CACNA2D1: variants seen among roughly 807,000 people sequenced by gnomAD.
The protein encoded by CACNA2D1 is calcium voltage-gated channel auxiliary subunit alpha2delta 1.
A neutral mutation model predicts 171.5 loss-of-function variants in CACNA2D1; 53 were observed. That is an observed-to-expected ratio of 0.31 (90% CI 0.25 to 0.39). CACNA2D1 has a LOEUF of 0.39. Among genes scored for constraint, CACNA2D1 ranks in the 10% least tolerant of loss-of-function variants. The probability of loss-of-function intolerance (pLI) is 1.00; values close to 1 mark genes in which losing one functional copy is unlikely to be tolerated. For missense variants in CACNA2D1, 903 were observed against 1,299.8 expected (o/e 0.69, Z 4.69); for synonymous variants, 442 against 443.1 (o/e 1.00, Z 0.03).
chr7:82,033,868 T>TAAAG (rs749383246), intron 11 of CACNA2D1, among the ~76,000 whole-genome samples: 2 of 152,110 alleles, frequency 1.3e-5, no homozygotes, highest in African/African-American at 2.4e-5. Flanking sequence ...ATGCTGAGAA[T>TAAAG]AAAAGATCAC....
chr7:82,404,886 T>A (rs1435771647), intron 1 of CACNA2D1, among the ~76,000 whole-genome samples: 2 of 152,216 alleles, frequency 1.3e-5, no homozygotes, highest in African/African-American at 4.8e-5. Context: ...TTTGTTGCTG[T>A]CATTCAAGTA....
At chr7:81,988,447 T>C (rs909452197) in intron 21 of CACNA2D1, among the ~76,000 whole-genome samples, 2 of 152,196 alleles carry the variant, frequency 1.3e-5, no homozygotes, top group South Asian at 4.1e-4. Context: ...TCTCCTCTTC[T>C]GTCTATTCTA....
At chr7:82,428,072 A>G (rs1829342464) in intron 1 of CACNA2D1, among the ~76,000 whole-genome samples, 1 of 151,898 alleles carries the variant, frequency 6.6e-6, no homozygotes, top group Non-Finnish European at 1.5e-5. Flanking sequence ...TGGACAACAG[A>G]GCAAGATCTT....
intron 10 of CACNA2D1, among the ~76,000 whole-genome samples, chr7:82,051,840 C>T (rs1805228271): frequency 6.6e-6 from 1 of 152,164 alleles, no homozygotes; most frequent in South Asian, 2.1e-4. Flanking sequence ...ACCACTGACT[C>T]CTATCAAAGC....
At chr7:82,423,259 GC>G (rs1332504712) in intron 1 of CACNA2D1, among the ~76,000 whole-genome samples, 1 of 151,930 alleles carries the variant, frequency 6.6e-6, no homozygotes. Context: ...AACTCAACCT[GC>G]CCCAGGCATG....
intron 22 of CACNA2D1, 77 bp downstream of exon 22, chr7:81,984,558 C>A (rs2130665138): frequency 1.2e-6 from 1 of 830,488 alleles, no homozygotes; most frequent in African/African-American, 1.7e-5. Flanking sequence ...CTTGGGTATT[C>A]CAAAATCTAG....
In CACNA2D1 at chr7:81,949,811, C is replaced by T. The variant is rs558911696; in HGVS notation, c.*581G>A. ...TGTGTTTTATTTTTGGCAAAGAAGC[C>T]GTTCTTCATAAGGCATTTTATTCAT... On this transcript the variant is annotated 3_prime_UTR_variant, in exon 39 of 39. Coordinates refer to ENST00000356860, the MANE Select transcript of CACNA2D1 (RefSeq NM_000722.4). The T allele has an allele frequency of 1.3e-5, 2 of 152,278 alleles. No individual in the cohort carries two copies. Among genetic ancestry groups the T allele is most frequent in the African/African-American group, 4.8e-5 (2 of 41,524 alleles). The allele number at this position is 152,278 out of a possible 1,614,324, so 9.4% of individuals were successfully genotyped here. A position where few individuals can be genotyped will look rare whatever the true frequency, so the allele number is the denominator to read the frequency against.
At chr7:82,264,988 G>C (rs1225568055) in intron 3 of CACNA2D1, among the ~76,000 whole-genome samples, 1 of 152,228 alleles carries the variant, frequency 6.6e-6, no homozygotes, top group South Asian at 2.1e-4. Flanking sequence ...TCATATCACT[G>C]CAATGACACA....
At chr7:82,314,999 A>G in intron 3 of CACNA2D1, among the ~76,000 whole-genome samples, 1 of 134,700 alleles carries the variant, frequency 7.4e-6, no homozygotes. Flanking sequence ...TTTTTTTGAG[A>G]CAGAGTCTCA....
intron 7 of CACNA2D1, among the ~76,000 whole-genome samples, chr7:82,073,237 C>T (rs185813758): frequency 1.8e-3 from 280 of 152,266 alleles, no homozygotes; most frequent in Non-Finnish European, 3.3e-3. Flanking sequence ...TTAACATTCT[C>T]CAACTGCTTG....
At chr7:82,389,294 T>C (rs904951467) in intron 1 of CACNA2D1, among the ~76,000 whole-genome samples, 7 of 151,676 alleles carry the variant, frequency 4.6e-5, no homozygotes, top group Admixed American at 2.0e-4. Context: ...GTTTTTTTTA[T>C]AGAAAGTTAT....
chr7:81,962,401 T>A (rs1794243599), intron 35 of CACNA2D1, 39 bp downstream of exon 35: 23 of 1,504,350 alleles, frequency 1.5e-5, no homozygotes, highest in Non-Finnish European at 1.9e-5. Flanking sequence ...AGAAAATTTT[T>A]ATTGTTATGG....
chr7:82,291,512 CTATA>C (rs1034002303), intron 3 of CACNA2D1, among the ~76,000 whole-genome samples: 11 of 126,366 alleles, frequency 8.7e-5, no homozygotes, highest in African/African-American at 3.3e-4. Context: ...ATAGATAGAT[CTATA>C]TATAGATAGA....
At chr7:82,107,100 T>G (rs997512608) in intron 6 of CACNA2D1, among the ~76,000 whole-genome samples, 2 of 152,124 alleles carry the variant, frequency 1.3e-5, no homozygotes, top group African/African-American at 4.8e-5. Flanking sequence ...AGTAAAACAT[T>G]AAAAACTATC....
At chr7:82,391,860 G>T (rs1825159780) in intron 1 of CACNA2D1, among the ~76,000 whole-genome samples, 2 of 152,170 alleles carry the variant, frequency 1.3e-5, no homozygotes, top group African/African-American at 4.8e-5. Flanking sequence ...GATGTGTATG[G>T]TTCCAAGATC....
chr7:82,227,029 T>A (rs916153464), intron 3 of CACNA2D1, among the ~76,000 whole-genome samples: 3 of 152,208 alleles, frequency 2.0e-5, no homozygotes, highest in Admixed American at 1.3e-4. Flanking sequence ...GTCATGTTAG[T>A]AATTTAAAAT....
At position 82,335,219 on chromosome 7, in the gene CACNA2D1, C is replaced by T. The variant is rs1817841152; in HGVS notation, c.210G>A (p.Val70=). The change falls in exon 3 of 39, where the codon GTG becomes GTA. Residue 70 remains valine, a synonymous_variant. Transcript: ENST00000356860. ...CCAGCTGGCGTGCATTATTTGGTTC[C>T]ACAGTATACAAATCTTGATATTTCT... ...IYEKYQDLYT[V]EPNNARQLVE... is the part of the protein sequence containing the mutation. 2 of 1,610,206 alleles carry T rather than the reference C, an allele frequency of 1.2e-6. No homozygotes were observed. The highest frequency in any genetic ancestry group is 1.1e-5 in the South Asian group (1 of 90,996).
chr7:82,438,086 A>G (rs1275799906), intron 1 of CACNA2D1, among the ~76,000 whole-genome samples: 1 of 152,182 alleles, frequency 6.6e-6, no homozygotes, highest in Non-Finnish European at 1.5e-5. Flanking sequence ...TTATGTTAGT[A>G]ACCCGTCTCT....
chr7:82,396,539 T>C (rs973565254), intron 1 of CACNA2D1, among the ~76,000 whole-genome samples: 5 of 152,172 alleles, frequency 3.3e-5, no homozygotes, highest in African/African-American at 1.2e-4. Flanking sequence ...CTACACAATA[T>C]ATGTCTGCCC....
Sources: allele counts gnomAD v4.1 joint callset (sites outside exome capture counted in the v4.1 genomes callset), GRCh38; gene constraint gnomAD v4.1.1; transcripts MANE v1.5; gene names NCBI Gene and HGNC (gene_info 2026-07-23, HGNC 2026-07-21).